The following CAPN14 variants were observed in gnomAD, a reference collection of about 807,000 sequenced individuals.
CAPN14 encodes calpain 14.
In CAPN14, 94 loss-of-function variants were observed where a neutral mutation model predicts 101.3. The observed-to-expected ratio is 0.93, with a 90% CI of 0.79 to 1.10. The LOEUF is 1.10. Ranked by LOEUF, CAPN14 falls within the 50% of genes least tolerant of loss-of-function variation. The pLI, the probability that CAPN14 is intolerant of heterozygous loss-of-function variation, is 0.00. For synonymous variants in CAPN14, 338 were observed against 317.9 expected, an observed-to-expected ratio of 1.06 and a Z score of -0.67; for missense variants, 837 against 828.4, an observed-to-expected ratio of 1.01 and a Z score of -0.13.
chr2:31,186,693 G>A (rs1209782552), intron 15 of CAPN14, among the ~76,000 whole-genome samples: 1 of 152,180 alleles, frequency 6.6e-6, no homozygotes, highest in African/African-American at 2.4e-5. Context: ...AGGTGCTGCT[G>A]AAGTTTAGCC....
intron 21 of CAPN14, among the ~76,000 whole-genome samples, chr2:31,175,679 T>C (rs1298951059): frequency 6.6e-6 from 1 of 152,130 alleles, no homozygotes; most frequent in Non-Finnish European, 1.5e-5. Context: ...ACATCAAATC[T>C]TGGAGGGATT....
chr2:31,187,785 A>C lies in CAPN14; in HGVS notation c.1560T>G (p.Asp520Glu). The change falls in exon 15 of 22, where the codon GAT becomes GAG. Residue 520 changes from aspartate (D) to glutamate (E), a missense_variant. Coordinates refer to ENST00000403897, the MANE Select transcript of CAPN14 (RefSeq NM_001145122.2). Reference sequence around the variant, plus strand: ...TTTCAAAGAATTTGGTGAAGAATTCATCCTGCCTTTCATTTTGGTCTTCTA... The same window carrying C: ...TTTCAAAGAATTTGGTGAAGAATTCCTCCTGCCTTTCATTTTGGTCTTCTA... ...KEIEDQNERQ[D>E]EFFTKFFEKH... The C allele has an allele frequency of 6.4e-7, 1 of 1,551,624 alleles. No homozygotes were observed. Among genetic ancestry groups the C allele is most frequent in the Non-Finnish European group, 8.7e-7 (1 of 1,146,670 alleles).
rs551473476 is a variant in CAPN14, at chr2:31,206,209, C to T, written c.-52-710G>A. 2.5e-3 allele frequency among the ~76,000 whole-genome samples: 376 copies of T among 151,940 alleles called. 2 individuals are homozygous for T. Among genetic ancestry groups the T allele is most frequent in the African/African-American group, 8.5e-3 (353 of 41,488 alleles). On this transcript the variant is annotated intron_variant, in intron 1 of 21. Coordinates refer to ENST00000403897, the MANE Select transcript of CAPN14 (RefSeq NM_001145122.2). ...GGGGGTGCTGGGGGCCAGCAGCTCC[C>T]ACGTGGAGGCCTCCCAAGGATGTCT...
intron 1 of CAPN14, among the ~76,000 whole-genome samples, chr2:31,229,602 C>T (rs2148710672): frequency 6.7e-6 from 1 of 150,118 alleles, no homozygotes; most frequent in South Asian, 2.1e-4. Flanking sequence ...TCTCTTGAAC[C>T]CAGGAAGTAG....
intron 2 of CAPN14, among the ~76,000 whole-genome samples, chr2:31,203,711 T>A (rs756443210): frequency 6.6e-6 from 1 of 152,180 alleles, no homozygotes; most frequent in African/African-American, 2.4e-5. Context: ...GGATCTTGGC[T>A]GCCATGTAGT....
chr2:31,190,972 C>T (rs556160070), intron 12 of CAPN14, among the ~76,000 whole-genome samples: 1 of 152,288 alleles, frequency 6.6e-6, no homozygotes, highest in Admixed American at 6.5e-5. Context: ...TTTGTCCTTT[C>T]TCCCTAGGGA....
intron 2 of CAPN14, among the ~76,000 whole-genome samples, 194 bp from the exon 3 acceptor site, chr2:31,203,333 C>T (rs1006452933): frequency 4.6e-5 from 7 of 152,152 alleles, no homozygotes; most frequent in Non-Finnish European, 2.9e-5. Context: ...CTTCTTATAG[C>T]TCGTGTAAGT....
chr2:31,191,272 A>G (rs563814120), intron 12 of CAPN14, 127 bp downstream of exon 12: 29 of 922,468 alleles, frequency 3.1e-5, no homozygotes, highest in Non-Finnish European at 4.4e-5. Flanking sequence ...AGACATTCTC[A>G]TCATCTGGCA....
At chr2:31,231,992 G>C (rs921190835) in intron 1 of CAPN14, among the ~76,000 whole-genome samples, 1 of 152,168 alleles carries the variant, frequency 6.6e-6, no homozygotes, top group African/African-American at 2.4e-5. Flanking sequence ...TTCTCAACAA[G>C]AGATGATCAG....
rs1016633005 is a variant in CAPN14, at chr2:31,177,999, C to T, written c.1780-178G>A. Among the ~76,000 whole-genome samples the T allele has an allele frequency of 3.3e-5, 5 of 152,202 alleles. No individual in the cohort carries two copies. The East Asian group carries it at 7.7e-4, about 23-fold the overall frequency. On this transcript the variant is annotated intron_variant, in intron 18 of 21. Coordinates refer to ENST00000403897, the MANE Select transcript of CAPN14 (RefSeq NM_001145122.2). ...AGTCCATGCTGGGATCCTACCGCCT[C>T]ATGTTTCCTACAGAACAAGGCTTCT...
rs978723484 is a variant in CAPN14 at position 31,230,170 on chromosome 2, C to G, written c.-176-3519G>C. Among the ~76,000 whole-genome samples, 1 of 152,096 alleles carries G rather than the reference C, an allele frequency of 6.6e-6. No individual in the cohort carries two copies. Among genetic ancestry groups the G allele is most frequent in the Non-Finnish European group, 1.5e-5 (1 of 68,028 alleles). On this transcript the variant is annotated intron_variant and NMD_transcript_variant, in intron 1 of 21. Transcript: ENST00000398824. The surrounding 1 kb of genome is among the most constrained non-coding windows in gnomAD (Gnocchi z 4.3). Reference sequence around the variant, plus strand: ...AACCAATAGTTCTTGCTTTTTGTTCCTCTCCTTCCTCCCACCCTCCACCCT... The same window carrying G: ...AACCAATAGTTCTTGCTTTTTGTTCGTCTCCTTCCTCCCACCCTCCACCCT...
At chr2:31,211,828 C>T (rs890171835) in intron 1 of CAPN14, among the ~76,000 whole-genome samples, 10 of 151,708 alleles carry the variant, frequency 6.6e-5, no homozygotes, top group African/African-American at 2.4e-4. Context: ...TTACTTTTAT[C>T]ATGAGGAAAA....
Position 31,174,661 on chromosome 2 carries a change from G to T in CAPN14, c.*20C>A. ...GCCACATGCAGAGTCTTCAGTGAGGGCAGGTGAGACTCAGCCTTCTCAGGA... is the reference window on the plus strand; with the variant it reads ...GCCACATGCAGAGTCTTCAGTGAGGTCAGGTGAGACTCAGCCTTCTCAGGA... On this transcript the variant is annotated 3_prime_UTR_variant, in exon 22 of 22. Transcript: ENST00000403897. 6.4e-7 allele frequency: 1 copy of T among 1,551,350 alleles called. No homozygotes were observed. Among genetic ancestry groups the T allele is most frequent in the Non-Finnish European group, 8.7e-7 (1 of 1,146,834 alleles).
chr2:31,175,303 A>G (rs1398206381), intron 21 of CAPN14, among the ~76,000 whole-genome samples: 1 of 152,180 alleles, frequency 6.6e-6, no homozygotes, highest in Non-Finnish European at 1.5e-5. Context: ...GCTGGAGGCA[A>G]TCTCAGAGAC....
chr2:31,222,143 T>C (rs1222335751), upstream of CAPN14, among the ~76,000 whole-genome samples: 1 of 152,222 alleles, frequency 6.6e-6, no homozygotes, highest in Non-Finnish European at 1.5e-5. Flanking sequence ...GGAAGAGACT[T>C]ATGTTGAAAT....
chr2:31,208,162 CAAAAAAAAACTCCA>C (rs1682202672), intron 1 of CAPN14, among the ~76,000 whole-genome samples: 1 of 149,248 alleles, frequency 6.7e-6, no homozygotes, highest in Non-Finnish European at 1.5e-5. Flanking sequence ...TTTTTGACTC[CAAAAAAAAACTCCA>C]AAAAAAAACT....
chr2:31,231,091 C>T (rs12613530), intron 1 of CAPN14, among the ~76,000 whole-genome samples: 18,027 of 151,994 alleles, frequency 0.12, 2,560 homozygotes, highest in African/African-American at 0.34. Context: ...TACTGTTGTC[C>T]TCTTCTCTTC....
At position 31,205,512 on chromosome 2, in the gene CAPN14, G is replaced by A; in HGVS notation, c.-52-13C>T. The A allele has an allele frequency of 1.5e-6, 2 of 1,325,086 alleles. No individual in the cohort carries two copies. Among genetic ancestry groups the A allele is most frequent in the East Asian group, 2.5e-5 (1 of 39,620 alleles). The allele number at this position is 1,325,086 out of a possible 1,614,324, so 82.1% of individuals were successfully genotyped here. A position where few individuals can be genotyped will look rare whatever the true frequency, so the allele number is the denominator to read the frequency against. ...GTCTCTGCTGCTCCTGAAATGGAGAGAGGACGGTCAGTTTCCTCACTTCCT... is the reference window on the plus strand; with the variant it reads ...GTCTCTGCTGCTCCTGAAATGGAGAAAGGACGGTCAGTTTCCTCACTTCCT... On this transcript the variant is annotated splice_polypyrimidine_tract_variant and intron_variant, in intron 1 of 21. Transcript: ENST00000403897.
At chr2:31,198,957 C>T (rs1005361900) in intron 7 of CAPN14, among the ~76,000 whole-genome samples, 5 of 152,204 alleles carry the variant, frequency 3.3e-5, no homozygotes, top group Admixed American at 6.5e-5. Flanking sequence ...CTTTCATCTA[C>T]ACTCTCTTCT....
Sources: gnomAD v4.1 joint callset for allele counts (sites outside exome capture counted in the v4.1 genomes callset) on GRCh38, gnomAD v4.1.1 for gene constraint, Gnocchi (gnomAD v3.1) non-coding constraint, MANE v1.5 for transcripts, NCBI Gene and HGNC (gene_info 2026-07-23, HGNC 2026-07-21) for gene names.